The following XRCC6 variants were observed in gnomAD, a reference collection of about 807,000 sequenced individuals.
XRCC6 encodes the protein X-ray repair cross complementing 6, also known as DNA repair protein Ku70.
A neutral mutation model predicts 65.7 loss-of-function variants in XRCC6; 5 were observed. That is an observed-to-expected ratio of 0.08 (90% CI 0.04 to 0.16). The LOEUF is 0.16. Among genes scored for constraint, XRCC6 ranks in the 10% least tolerant of loss-of-function variants. The probability of loss-of-function intolerance (pLI) is 1.00; values close to 1 mark genes in which losing one functional copy is unlikely to be tolerated. For missense variants in XRCC6, 447 were observed against 738.1 expected, an observed-to-expected ratio of 0.61 and a Z score of 4.57; for synonymous variants, 270 against 270.6, an observed-to-expected ratio of 1.00 and a Z score of 0.02.
intron 3 of XRCC6, among the ~76,000 whole-genome samples, chr22:41,630,904 T>TCC (rs1170364897): frequency 6.6e-6 from 1 of 152,228 alleles, no homozygotes; most frequent in African/African-American, 2.4e-5. Flanking sequence ...CTCAATCTTT[T>TCC]CCCCACCTTT....
intron 7 of XRCC6, among the ~76,000 whole-genome samples, chr22:41,650,500 C>A (rs528144544): frequency 6.6e-6 from 1 of 152,154 alleles, no homozygotes; most frequent in Non-Finnish European, 1.5e-5. Flanking sequence ...GTTTGAACAT[C>A]TACCTCTTGG....
chr22:41,651,886 C>T (rs1452170017), intron 8 of XRCC6, among the ~76,000 whole-genome samples: 4 of 152,028 alleles, frequency 2.6e-5, no homozygotes, highest in African/African-American at 9.7e-5. Flanking sequence ...TGGGTTCAAG[C>T]GAGTCTCCTG....
intron 6 of XRCC6, among the ~76,000 whole-genome samples, chr22:41,643,150 G>A (rs1012402060): frequency 1.3e-5 from 2 of 152,170 alleles, no homozygotes; most frequent in Non-Finnish European, 2.9e-5. Context: ...GGTGGCTCAC[G>A]CCTGTAATCC....
chr22:41,635,377 A>G (rs369776853), intron 3 of XRCC6, among the ~76,000 whole-genome samples: 3 of 152,204 alleles, frequency 2.0e-5, no homozygotes, highest in East Asian at 1.9e-4. Flanking sequence ...CCAACTGTGT[A>G]TATAAACTCT....
chr22:41,631,110 T>G (rs185522469), intron 3 of XRCC6, among the ~76,000 whole-genome samples: 7,789 of 142,162 alleles, frequency 0.055, 469 homozygotes, highest in African/African-American at 0.15. Context: ...CCCACCTCCC[T>G]CCTGGACGGG....
chr22:41,627,327 G>C (rs890285625), intron 2 of XRCC6, among the ~76,000 whole-genome samples: 1 of 151,988 alleles, frequency 6.6e-6, no homozygotes, highest in Non-Finnish European at 1.5e-5. Flanking sequence ...AGGCCAGGGC[G>C]GGGTGGGGTG....
chr22:41,631,064 C>T (rs550775456), intron 3 of XRCC6, among the ~76,000 whole-genome samples: 2,870 of 150,506 alleles, frequency 0.019, 94 homozygotes, highest in African/African-American at 0.065. Context: ...CCTCACCTCC[C>T]GGACAGGGCT....
intron 3 of XRCC6, among the ~76,000 whole-genome samples, chr22:41,634,293 C>T (rs1255072543): frequency 6.6e-6 from 1 of 151,672 alleles, no homozygotes; most frequent in Non-Finnish European, 1.5e-5. Context: ...TCAGGTGATC[C>T]TCCTGCCTCA....
intron 8 of XRCC6, among the ~76,000 whole-genome samples, chr22:41,652,379 T>C (rs2068008208): frequency 1.3e-5 from 2 of 151,906 alleles, no homozygotes; most frequent in African/African-American, 4.8e-5. Context: ...TTTTTTTTTT[T>C]TCTGGAGACA....
intron 12 of XRCC6, among the ~76,000 whole-genome samples, chr22:41,663,349 AAGGAATGAC>A: frequency 6.6e-6 from 1 of 152,304 alleles, no homozygotes; most frequent in South Asian, 2.1e-4. Context: ...CAAAGGAAGG[AAGGAATGAC>A]TTACCCAGAG....
Position 41,626,785 on chromosome 22 carries a change from CCA to C in XRCC6, c.83-1331_83-1330del, listed in dbSNP as rs1355738174. The stretch of plus-strand genomic sequence containing the variant: ...CCCGAGTAGCTGGGACTGCAGGTGT[CCA>C]CCACCACGCCCAGCTAATTTTTTTT... On this transcript the variant is annotated intron_variant, in intron 2 of 12. Transcript: ENST00000360079. Among the ~76,000 whole-genome samples, 4 of 151,980 alleles carry C rather than the reference CCA, an allele frequency of 2.6e-5. No individual in the cohort carries two copies. In the East Asian group the frequency reaches 7.7e-4, roughly 29 times the overall value.
At chr22:41,640,853 A>C (rs183994344) in intron 6 of XRCC6, among the ~76,000 whole-genome samples, 112 of 152,286 alleles carry the variant, frequency 7.4e-4, no homozygotes, top group African/African-American at 2.5e-3. Flanking sequence ...TAGTGGGTAA[A>C]TGTAGGCCTT....
chr22:41,627,275 G>T (rs964477591), intron 2 of XRCC6, among the ~76,000 whole-genome samples: 16 of 152,236 alleles, frequency 1.1e-4, no homozygotes, highest in Admixed American at 7.2e-4. Flanking sequence ...AGAAACGTAA[G>T]GGGTGGGTGT....
chr22:41,627,547 G>A (rs117579868), intron 2 of XRCC6, among the ~76,000 whole-genome samples: 1 of 146,694 alleles, frequency 6.8e-6, no homozygotes, highest in Non-Finnish European at 1.5e-5. Flanking sequence ...GGAGACGGAG[G>A]TCGTAGTAAG....
rs991108493 is a variant in XRCC6, at chr22:41,661,551, TA to T, written c.1636+111del. ...CAGAAATATCTATTCACAGTCTAGT[TA>T]AAATGGCTTTTATCCAAAAAACAGA... On this transcript the variant is annotated intron_variant, in intron 12 of 12. Transcript: ENST00000360079. 1.2e-4 allele frequency: 115 copies of T among 958,184 alleles called. No individual in the cohort carries two copies. In the Middle Eastern group the frequency reaches 9.6e-3, roughly 80 times the overall value. 59.4% of individuals were successfully genotyped at this position (958,184 alleles called of 1,614,324 possible). A position where few individuals can be genotyped will look rare whatever the true frequency, so the allele number is the denominator to read the frequency against.
chr22:41,637,918 A>T, intron 6 of XRCC6, 127 bp downstream of exon 6: 1 of 862,536 alleles, frequency 1.2e-6, no homozygotes, highest in Non-Finnish European at 1.6e-6. Context: ...TGAGCCTAGG[A>T]GTTGAGACCA....
chr22:41,646,317 A>G (rs2067931905), intron 6 of XRCC6, among the ~76,000 whole-genome samples: 1 of 151,854 alleles, frequency 6.6e-6, no homozygotes, highest in Non-Finnish European at 1.5e-5. Flanking sequence ...AAAAAAAAGC[A>G]GAGACAAGAC....
Position 41,639,667 on chromosome 22 carries a change from C to CTTTTTTTTTTTTTTT in XRCC6, c.773+1889_773+1890insTTTTTTTTTTTTTTT, listed in dbSNP as rs71184825. 2.7e-3 allele frequency among the ~76,000 whole-genome samples: 218 copies of CTTTTTTTTTTTTTTT among 81,006 alleles called. 35 individuals carry two copies. The highest frequency in any genetic ancestry group is 3.1e-3 in the Non-Finnish European group (138 of 44,138). The allele number at this position is 81,006 out of a possible 152,430, so 53.1% of individuals were successfully genotyped here. ...TCCATGTGTAGCCTAGATTCTCTCT[C>CTTTTTTTTTTTTTTT]TTTTTTTTTTTTTGAGATGGAGTCT... On this transcript the variant is annotated intron_variant, in intron 6 of 12. Transcript: ENST00000360079.
chr22:41,657,516 T>C (rs2068056392), intron 10 of XRCC6, among the ~76,000 whole-genome samples: 1 of 147,444 alleles, frequency 6.8e-6, no homozygotes, highest in African/African-American at 2.5e-5. Context: ...TTATTATTAT[T>C]ATTATTATTA....
Sources: allele counts gnomAD v4.1 joint callset (sites outside exome capture counted in the v4.1 genomes callset), GRCh38; gene constraint gnomAD v4.1.1; transcripts MANE v1.5; gene names NCBI Gene and HGNC (gene_info 2026-07-23, HGNC 2026-07-21).